Variants in ITPKB observed in about 807,000 individuals in gnomAD.
ITPKB encodes the protein inositol-trisphosphate 3-kinase B.
In ITPKB, 13 loss-of-function variants were observed where a neutral mutation model predicts 69.4. The observed-to-expected ratio is 0.19, with a 90% CI of 0.12 to 0.30. The LOEUF (loss-of-function observed/expected upper bound fraction) is 0.30, where lower values mean the gene tolerates loss of function less well. Among genes scored for constraint, ITPKB ranks in the 10% least tolerant of loss-of-function variants. The pLI is 1.00. For synonymous variants in ITPKB, 584 were observed against 513.7 expected, an observed-to-expected ratio of 1.14 and a Z score of -1.85; for missense variants, 1,240 against 1,250.5, an observed-to-expected ratio of 0.99 and a Z score of 0.13.
chr1:226,727,566 C>T (rs1171163748), intron 2 of ITPKB, among the ~76,000 whole-genome samples: 1 of 152,120 alleles, frequency 6.6e-6, no homozygotes, highest in Non-Finnish European at 1.5e-5. Context: ...ATGTGTTATG[C>T]CTTCTTCTTG....
At chr1:226,706,929 G>A (rs1390972256) in intron 2 of ITPKB, among the ~76,000 whole-genome samples, 1 of 152,164 alleles carries the variant, frequency 6.6e-6, no homozygotes, top group Non-Finnish European at 1.5e-5. Flanking sequence ...TCAGCTCTCA[G>A]CCAAATTTCT....
intron 2 of ITPKB, among the ~76,000 whole-genome samples, chr1:226,732,710 C>T (rs763009602): frequency 7.4e-4 from 113 of 152,112 alleles, no homozygotes; most frequent in African/African-American, 2.7e-3. Flanking sequence ...AGTAAACAAC[C>T]GCTGGTTAAT....
intron 2 of ITPKB, among the ~76,000 whole-genome samples, chr1:226,692,466 A>G (rs779129943): frequency 1.3e-5 from 2 of 152,188 alleles, no homozygotes; most frequent in Non-Finnish European, 2.9e-5. Flanking sequence ...AGTGGAAATT[A>G]TTTTTAAGGG....
At chr1:226,646,949 G>A (rs1184901483) in intron 4 of ITPKB, among the ~76,000 whole-genome samples, 3 of 152,348 alleles carry the variant, frequency 2.0e-5, no homozygotes, top group Admixed American at 1.3e-4. Flanking sequence ...CTGCTCACTG[G>A]AGAAGGAAAG....
intron 4 of ITPKB, among the ~76,000 whole-genome samples, chr1:226,645,960 A>G (rs1047831493): frequency 6.6e-6 from 1 of 152,214 alleles, no homozygotes. Context: ...AACTCCCAGG[A>G]GGAGAGAGAA....
intron 2 of ITPKB, among the ~76,000 whole-genome samples, chr1:226,731,863 C>T (rs1261548927): frequency 6.6e-6 from 1 of 152,084 alleles, no homozygotes; most frequent in Non-Finnish European, 1.5e-5. Context: ...CCCCACAAAT[C>T]TGAGCTTTCA....
chr1:226,713,231 C>T lies in ITPKB; in HGVS notation c.1932+22296G>A, dbSNP rs77785461. Among the ~76,000 whole-genome samples the T allele has an allele frequency of 4.8e-3, 727 of 152,264 alleles. 5 individuals are homozygous for T. The highest frequency in any genetic ancestry group is 0.013 in the South Asian group (63 of 4,830). Reference sequence around the variant, plus strand: ...AATGCCCCCGCCCCCGGTTCCCAGACGGCTACTAATTCTGCCTTCCTTTGA... The same window carrying T: ...AATGCCCCCGCCCCCGGTTCCCAGATGGCTACTAATTCTGCCTTCCTTTGA... On this transcript the variant is annotated intron_variant, in intron 2 of 7. Transcript: ENST00000429204.
rs1183983864 is a variant in ITPKB, at chr1:226,631,831, G to T, written c.*2840C>A. Reference sequence around the variant, plus strand: ...GAGAGCCTCTCGGCAGGCGGGGGGGGTCCTCTCCTCCAGAACAAAAGGCAC... The same window carrying T: ...GAGAGCCTCTCGGCAGGCGGGGGGGTTCCTCTCCTCCAGAACAAAAGGCAC... On this transcript the variant is annotated 3_prime_UTR_variant, in exon 8 of 8. Coordinates refer to ENST00000429204, the MANE Select transcript of ITPKB (RefSeq NM_002221.4). 6.7e-6 allele frequency: 1 copy of T among 149,870 alleles called. No homozygotes were observed. Among genetic ancestry groups the T allele is most frequent in the South Asian group, 2.1e-4 (1 of 4,680 alleles). 9.3% of individuals were successfully genotyped at this position (149,870 alleles called of 1,614,324 possible).
At chr1:226,645,141 G>A (rs1313791662) in intron 4 of ITPKB, among the ~76,000 whole-genome samples, 1 of 152,232 alleles carries the variant, frequency 6.6e-6, no homozygotes, top group African/African-American at 2.4e-5. Context: ...GAATGGCGGT[G>A]AGAACGCAAT....
rs1270645706 is a variant in ITPKB at position 226,657,185 on chromosome 1, A to G, written c.1933-8414T>C. The G allele has an allele frequency of 2.0e-5, 3 of 152,222 alleles. No individual in the cohort carries two copies. In the East Asian group the frequency reaches 5.8e-4, roughly 29 times the overall value. 9.4% of individuals were successfully genotyped at this position (152,222 alleles called of 1,614,324 possible). On this transcript the variant is annotated intron_variant, in intron 2 of 7. Transcript: ENST00000429204. ...AGAGTCAGAGCCCAAGTGAGTCAAT[A>G]TCAGTTTCTGGTTCAAGTCACTGAC...
intron 2 of ITPKB, among the ~76,000 whole-genome samples, chr1:226,702,916 A>G (rs1231041686): frequency 6.6e-6 from 1 of 152,178 alleles, no homozygotes; most frequent in Non-Finnish European, 1.5e-5. Context: ...CTAATTAAAT[A>G]TTTTTCCTCC....
intron 2 of ITPKB, among the ~76,000 whole-genome samples, chr1:226,730,281 G>C (rs1657551809): frequency 6.6e-6 from 1 of 152,206 alleles, no homozygotes; most frequent in African/African-American, 2.4e-5. Flanking sequence ...ACTTGGTTTG[G>C]TAAGTTAACA....
intron 2 of ITPKB, among the ~76,000 whole-genome samples, chr1:226,651,634 G>A (rs914110717): frequency 6.6e-6 from 1 of 152,174 alleles, no homozygotes; most frequent in South Asian, 2.1e-4. Flanking sequence ...AGACCCACAA[G>A]ACACAGTGAG....
intron 2 of ITPKB, chr1:226,707,488 C>T (rs751679242): frequency 1.9e-5 from 19 of 976,362 alleles, no homozygotes; most frequent in South Asian, 4.7e-5. Flanking sequence ...TGAGCCACTG[C>T]GCCTGGCCAA....
rs766672667 is a variant in ITPKB at position 226,642,598 on chromosome 1, C to T, written c.2247-473G>A. ...CCTCCTCGGGAGACCCCCACAGGAA[C>T]CAGCAGAAGAAGGAAGACGGAGGCA... On this transcript the variant is annotated intron_variant, in intron 4 of 7. Coordinates refer to ENST00000429204, the MANE Select transcript of ITPKB (RefSeq NM_002221.4). This position sits in a 1 kb window ranked among gnomAD's most constrained non-coding sequence, Gnocchi z 6.4. Among the ~76,000 whole-genome samples the T allele has an allele frequency of 6.6e-6, 1 of 152,052 alleles. No individual in the cohort carries two copies. The highest frequency in any genetic ancestry group is 1.5e-5 in the Non-Finnish European group (1 of 68,024).
In ITPKB at chr1:226,737,008, C is replaced by G; in HGVS notation, c.451G>C (p.Glu151Gln). The G allele has an allele frequency of 6.2e-7, 1 of 1,612,872 alleles. No individual in the cohort carries two copies. The highest frequency in any genetic ancestry group is 8.5e-7 in the Non-Finnish European group (1 of 1,179,934). The part of the protein sequence containing the change: ...VQVNQKVGMF[E>Q]AHIQAQSSAI... The stretch of plus-strand genomic sequence containing the variant: ...GAGCTCTGTGCCTGGATGTGCGCCT[C>G]AAACATGCCCACTTTCTGGTTCACC... The change falls in exon 2 of 8, where the codon GAG (glutamate) becomes CAG (glutamine). Residue 151 changes from glutamate to glutamine, a missense_variant. Physicochemically the swap from Glu to Gln is conservative, Grantham distance 29 (BLOSUM62 2). Around this residue, in one of 2 missense-constraint regions of ITPKB, gnomAD observed 992 missense variants for 853.8 expected, o/e 1.16. Transcript: ENST00000429204.
At chr1:226,696,198 C>T (rs766723864) in intron 2 of ITPKB, among the ~76,000 whole-genome samples, 1 of 152,136 alleles carries the variant, frequency 6.6e-6, no homozygotes, top group Non-Finnish European at 1.5e-5. Context: ...TCTCACTAAG[C>T]CTTAGTTTCC....
At chr1:226,728,012 C>T (rs1403293193) in intron 2 of ITPKB, among the ~76,000 whole-genome samples, 1 of 152,122 alleles carries the variant, frequency 6.6e-6, no homozygotes, top group African/African-American at 2.4e-5. Context: ...GGAAGGATTC[C>T]CTTCAGCTGA....
Position 226,670,316 on chromosome 1 carries a change from G to T in ITPKB, c.1933-21545C>A, listed in dbSNP as rs144174142. The stretch of plus-strand genomic sequence containing the variant: ...ATGACCTTTTGGGAAAGCAGCCCAG[G>T]AATATTCTGCAAGGGCCATAAAAAT... On this transcript the variant is annotated intron_variant, in intron 2 of 7. Transcript: ENST00000429204. 1.7e-3 allele frequency among the ~76,000 whole-genome samples: 255 copies of T among 151,788 alleles called. 2 individuals are homozygous for T. Among genetic ancestry groups the T allele is most frequent in the African/African-American group, 6.0e-3 (248 of 41,340 alleles).
Sources: gnomAD v4.1 joint callset for allele counts (sites outside exome capture counted in the v4.1 genomes callset) on GRCh38, gnomAD v4.1.1 for gene constraint, gnomAD v4.1.1 regional missense constraint, Gnocchi (gnomAD v3.1) non-coding constraint, MANE v1.5 for transcripts, NCBI Gene and HGNC (gene_info 2026-07-23, HGNC 2026-07-21) for gene names.